Variants in LOXHD1 observed in about 807,000 individuals in gnomAD.
The protein encoded by LOXHD1 is lipoxygenase homology PLAT domains 1.
LOXHD1 carries 205 observed loss-of-function variants against 248.2 expected under a neutral mutation model. That is an observed-to-expected ratio of 0.83 (90% CI 0.74 to 0.93). The LOEUF is 0.93. LOXHD1 is among the 40% of genes least tolerant of loss of function. LOXHD1 has a pLI of 0.00. For missense variants in LOXHD1, 2,930 were observed against 2,971.6 expected, an observed-to-expected ratio of 0.99 and a Z score of 0.33; for synonymous variants, 1,113 against 1,162.8, an observed-to-expected ratio of 0.96 and a Z score of 0.87.
At chr18:46,520,202 C>T (rs2035503326) in intron 33 of LOXHD1, 1 of 459,536 alleles carries the variant, frequency 2.2e-6, no homozygotes, top group South Asian at 1.6e-5. Flanking sequence ...GTGGCAGGCC[C>T]CCACACTCCT....
intron 12 of LOXHD1, among the ~76,000 whole-genome samples, chr18:46,580,824 T>C (rs1208405656): frequency 6.6e-6 from 1 of 151,974 alleles, no homozygotes; most frequent in African/African-American, 2.4e-5. Flanking sequence ...AGCTATAAAG[T>C]TAGATAATTC....
At chr18:46,520,255 A>G (rs1044874645) in intron 33 of LOXHD1, 8 of 470,274 alleles carry the variant, frequency 1.7e-5, no homozygotes, top group Non-Finnish European at 3.1e-5. Flanking sequence ...TTCCATATAC[A>G]ATGTAGGCAG....
chr18:46,476,973 C>T (rs999183571), downstream of LOXHD1: 7 of 578,066 alleles, frequency 1.2e-5, no homozygotes, highest in Middle Eastern at 4.5e-4. Context: ...AGGTTTTTCT[C>T]CACTTGCCAC....
chr18:46,582,116 T>C (rs2037975088), intron 12 of LOXHD1, among the ~76,000 whole-genome samples: 1 of 152,104 alleles, frequency 6.6e-6, no homozygotes, highest in Non-Finnish European at 1.5e-5. Context: ...GAAAAAGCAA[T>C]GACATAAGTA....
chr18:46,542,913 C>A, intron 23 of LOXHD1, 58 bp from the exon 24 acceptor site: 1 of 1,549,464 alleles, frequency 6.5e-7, no homozygotes, highest in South Asian at 1.2e-5. Context: ...CAAGCCTAGT[C>A]AGACCCAAAC....
chr18:46,516,800 CT>C (rs1355738103), intron 34 of LOXHD1, among the ~76,000 whole-genome samples: 2 of 151,826 alleles, frequency 1.3e-5, no homozygotes, highest in Non-Finnish European at 2.9e-5. Flanking sequence ...ACCTTCACCC[CT>C]ATTACCACCA....
At chr18:46,562,167 AGT>A (rs1198287514) in intron 18 of LOXHD1, among the ~76,000 whole-genome samples, 2 of 152,182 alleles carry the variant, frequency 1.3e-5, no homozygotes, top group East Asian at 3.8e-4. Context: ...CCTCCTCAGC[AGT>A]GTATGAGGGT....
chr18:46,492,192 T>C (rs2033533563), intron 37 of LOXHD1, among the ~76,000 whole-genome samples: 1 of 152,158 alleles, frequency 6.6e-6, no homozygotes, highest in African/African-American at 2.4e-5. Flanking sequence ...AGCAGGATAG[T>C]AGACTCACAG....
intron 21 of LOXHD1, among the ~76,000 whole-genome samples, chr18:46,549,844 T>G (rs1470124744): frequency 6.6e-6 from 1 of 152,222 alleles, no homozygotes; most frequent in East Asian, 1.9e-4. Flanking sequence ...AATCTTTGTT[T>G]CAGGGCTGGG....
intron 15 of LOXHD1, among the ~76,000 whole-genome samples, chr18:46,570,424 C>T (rs1251740213): frequency 1.3e-5 from 2 of 152,178 alleles, no homozygotes; most frequent in African/African-American, 4.8e-5. Flanking sequence ...TCACTGACAC[C>T]GTAGGGTCCT....
Position 46,507,530 on chromosome 18 carries a change from C to T in LOXHD1, c.5692+8G>A, listed in dbSNP as rs1353414052. ...GGGAGCGGGAGGTGTGAGGGACCCC[C>T]GACCCACCCAGGATGTCGCTGGTCT... On this transcript the variant is annotated splice_region_variant and intron_variant, in intron 36 of 40. Coordinates refer to ENST00000642948, the MANE Select transcript of LOXHD1 (RefSeq NM_001384474.1). The T allele has an allele frequency of 6.4e-6, 10 of 1,551,490 alleles. No individual in the cohort carries two copies. The highest frequency in any genetic ancestry group is 3.9e-5 in the Admixed American group (2 of 50,986).
intron 7 of LOXHD1, 95 bp downstream of exon 7, chr18:46,604,011 G>T: frequency 6.7e-7 from 1 of 1,497,392 alleles, no homozygotes; most frequent in Non-Finnish European, 9.0e-7. Context: ...GCTGGCTCCT[G>T]TTTGATCACA....
In LOXHD1 at chr18:46,506,028, G is replaced by C; in HGVS notation, c.5693-5C>G. On this transcript the variant is annotated splice_region_variant and splice_polypyrimidine_tract_variant and intron_variant, in intron 36 of 40. Coordinates refer to ENST00000642948, the MANE Select transcript of LOXHD1 (RefSeq NM_001384474.1). ...CGTTGGCATCAGTGCCTGCTCCTGG[G>C]GGGTGCACAAGGTGAGGCTTAGGGT... The C allele has an allele frequency of 6.4e-7, 1 of 1,552,044 alleles. No individual in the cohort carries two copies. The highest frequency in any genetic ancestry group is 8.7e-7 in the Non-Finnish European group (1 of 1,147,020).
intron 22 of LOXHD1, 122 bp downstream of exon 22, chr18:46,546,773 A>T: frequency 8.9e-7 from 1 of 1,125,316 alleles, no homozygotes; most frequent in Non-Finnish European, 1.2e-6. Flanking sequence ...GCAATACAAT[A>T]GACTGTCAAG....
intron 40 of LOXHD1, 150 bp downstream of exon 40, chr18:46,483,436 TC>T: frequency 1.1e-6 from 1 of 920,972 alleles, no homozygotes; most frequent in Admixed American, 2.2e-5. Context: ...AGCTGTCTCT[TC>T]CCTTCCTGCC....
At chr18:46,618,134 C>G (rs967859603) in intron 5 of LOXHD1, 58 bp downstream of exon 5, 2 of 1,295,892 alleles carry the variant, frequency 1.5e-6, no homozygotes, top group Non-Finnish European at 2.2e-6. Flanking sequence ...TTGTGGGAAC[C>G]CCATCTACAA....
intron 34 of LOXHD1, 48 bp downstream of exon 34, chr18:46,518,081 G>A: frequency 1.3e-6 from 2 of 1,548,738 alleles, no homozygotes; most frequent in Non-Finnish European, 8.7e-7. Context: ...GGCAGAGGGG[G>A]AGAGTTGAAT....
chr18:46,575,365 G>C (rs111317944), intron 14 of LOXHD1, among the ~76,000 whole-genome samples: 1 of 152,284 alleles, frequency 6.6e-6, no homozygotes, highest in Admixed American at 6.5e-5. Context: ...GTGGTGAACT[G>C]AATTGTGTCC....
intron 8 of LOXHD1, among the ~76,000 whole-genome samples, chr18:46,599,957 T>C (rs2038310323): frequency 6.6e-6 from 1 of 152,192 alleles, no homozygotes; most frequent in Non-Finnish European, 1.5e-5. Context: ...CTCTTACACA[T>C]GGCTGACAGG....
Sources: gnomAD v4.1 joint callset for allele counts (sites outside exome capture counted in the v4.1 genomes callset) on GRCh38, gnomAD v4.1.1 for gene constraint, MANE v1.5 for transcripts, NCBI Gene and HGNC (gene_info 2026-07-23, HGNC 2026-07-21) for gene names.